The following GNAL variants were observed in gnomAD, a reference collection of about 807,000 sequenced individuals.
The protein encoded by GNAL is G protein subunit alpha L.
GNAL carries 18 observed loss-of-function variants against 55.1 expected under a neutral mutation model. That is an observed-to-expected ratio of 0.33 (90% confidence interval 0.23 to 0.48). GNAL has a LOEUF of 0.48. Ranked by LOEUF, GNAL falls within the 20% of genes least tolerant of loss-of-function variation. GNAL has a pLI of 0.99. For synonymous variants in GNAL, 253 were observed against 237.0 expected (o/e 1.07, Z -0.62); for missense variants, 412 against 614.1 (o/e 0.67, Z 3.48).
intron 4 of GNAL, among the ~76,000 whole-genome samples, chr18:11,812,396 G>A (rs1432119990): frequency 1.3e-5 from 2 of 152,232 alleles, no homozygotes; most frequent in Admixed American, 6.5e-5. Context: ...AGGGAATTCC[G>A]TTTCTGCCCC....
rs1437655287 is a variant in GNAL, at chr18:11,881,817, TTTG to T, written c.*690_*692del. The T allele has an allele frequency of 6.6e-6, 1 of 152,498 alleles. No homozygotes were observed. The highest frequency in any genetic ancestry group is 2.4e-5 in the African/African-American group (1 of 41,456). The allele number at this position is 152,498 out of a possible 1,614,324, so 9.4% of individuals were successfully genotyped here. ...GCATAGTCTTCTTTCTTAGATTCTC[TTTG>T]TTGTTGTCCCTATTGCTGGTTTATT... On this transcript the variant is annotated 3_prime_UTR_variant, in exon 12 of 12. Coordinates refer to ENST00000334049, the MANE Select transcript of GNAL (RefSeq NM_182978.4). This position sits in a 1 kb window ranked among gnomAD's most constrained non-coding sequence, Gnocchi z 4.8.
At chr18:11,857,084 G>A (rs1392353070) in intron 5 of GNAL, 1 of 151,536 alleles carries the variant, frequency 6.6e-6, no homozygotes, top group Non-Finnish European at 1.5e-5. Context: ...CAGATAGGTA[G>A]ATAAAACATA....
At chr18:11,713,124 C>T (rs767346539) in intron 1 of GNAL, among the ~76,000 whole-genome samples, 3 of 152,224 alleles carry the variant, frequency 2.0e-5, no homozygotes, top group Non-Finnish European at 4.4e-5. Flanking sequence ...GTGTACAACA[C>T]GAAGTGACTT....
chr18:11,751,592 C>A lies in GNAL; in HGVS notation c.377-1261C>A. On this transcript the variant is annotated intron_variant, in intron 1 of 11. Coordinates refer to ENST00000334049, the MANE Select transcript of GNAL (RefSeq NM_182978.4). The surrounding 1 kb of genome is among the most constrained non-coding windows in gnomAD (Gnocchi z 4.5). ...CGCCCGCCAGGAGCAGGGACGCGTC[C>A]GAGCCAACACGGGGCGCGCGCCCAG... The A allele has an allele frequency of 2.0e-6, 2 of 985,432 alleles. No homozygotes were observed. Among genetic ancestry groups the A allele is most frequent in the Non-Finnish European group, 2.4e-6 (2 of 829,934 alleles). The allele number at this position is 985,432 out of a possible 1,614,324, so 61.0% of individuals were successfully genotyped here. A position where few individuals can be genotyped will look rare whatever the true frequency, so the allele number is the denominator to read the frequency against.
intron 4 of GNAL, among the ~76,000 whole-genome samples, chr18:11,774,246 C>T (rs537896394): frequency 6.6e-6 from 1 of 152,284 alleles, no homozygotes; most frequent in South Asian, 2.1e-4. Flanking sequence ...AAGCCTGGCT[C>T]TGAATTAAGA....
chr18:11,716,603 A>T (rs11872343), intron 1 of GNAL, among the ~76,000 whole-genome samples: 160 of 152,154 alleles, frequency 1.1e-3, no homozygotes, highest in African/African-American at 3.7e-3. Flanking sequence ...TGATTGGTGC[A>T]TTTACAATCC....
intron 1 of GNAL, among the ~76,000 whole-genome samples, chr18:11,690,501 C>T (rs2031211417): frequency 6.6e-6 from 1 of 151,622 alleles, no homozygotes; most frequent in South Asian, 2.1e-4. Flanking sequence ...GGTACATGTG[C>T]ACAATGTGCA....
At chr18:11,733,678 T>A (rs2032393656) in intron 1 of GNAL, among the ~76,000 whole-genome samples, 1 of 152,130 alleles carries the variant, frequency 6.6e-6, no homozygotes, top group South Asian at 2.1e-4. Flanking sequence ...AAATGCCACA[T>A]GTTCTCATAA....
chr18:11,691,008 A>G (rs943071556), intron 1 of GNAL, among the ~76,000 whole-genome samples: 4 of 148,338 alleles, frequency 2.7e-5, no homozygotes, highest in African/African-American at 1.0e-4. Context: ...TGGTATTTCT[A>G]GTTCTAGATC....
intron 4 of GNAL, among the ~76,000 whole-genome samples, chr18:11,792,328 G>A (rs190964646): frequency 1.3e-5 from 2 of 152,252 alleles, no homozygotes; most frequent in South Asian, 2.1e-4. Flanking sequence ...TGGGACTACA[G>A]GCGCACACCA....
intron 5 of GNAL, among the ~76,000 whole-genome samples, chr18:11,847,953 G>A (rs192315588): frequency 6.6e-6 from 1 of 152,314 alleles, no homozygotes; most frequent in African/African-American, 2.4e-5. Context: ...TGCAGATTCA[G>A]ATACCACGGT....
chr18:11,828,558 C>T (rs1205687737), intron 5 of GNAL, among the ~76,000 whole-genome samples: 3 of 151,904 alleles, frequency 2.0e-5, no homozygotes, highest in Admixed American at 1.3e-4. Flanking sequence ...GTGGAATATG[C>T]GTTCTATCAT....
chr18:11,871,397 C>T (rs2855638), intron 9 of GNAL, among the ~76,000 whole-genome samples: 41,108 of 151,734 alleles, frequency 0.27, 6,434 homozygotes, highest in African/African-American at 0.44. Context: ...ACTGCAGGCA[C>T]GTGCCACCAC....
intron 4 of GNAL, among the ~76,000 whole-genome samples, chr18:11,770,946 G>A (rs2033613447): frequency 6.6e-6 from 1 of 152,044 alleles, no homozygotes; most frequent in South Asian, 2.1e-4. Context: ...CAGGTGCGGT[G>A]GCTCAAGCCT....
chr18:11,869,359 G>C (rs1178530438), intron 9 of GNAL, among the ~76,000 whole-genome samples: 1 of 151,978 alleles, frequency 6.6e-6, no homozygotes, highest in Non-Finnish European at 1.5e-5. Flanking sequence ...TAGCCAGGAT[G>C]GTCTTGATCT....
intron 4 of GNAL, among the ~76,000 whole-genome samples, chr18:11,782,812 C>T (rs1218679154): frequency 2.0e-5 from 3 of 152,110 alleles, no homozygotes; most frequent in Non-Finnish European, 4.4e-5. Context: ...TATCTTTCTT[C>T]GTGCTGTGTT....
intron 1 of GNAL, among the ~76,000 whole-genome samples, chr18:11,693,944 C>T (rs376615181): frequency 1.3e-5 from 2 of 150,810 alleles, no homozygotes; most frequent in African/African-American, 2.5e-5. Flanking sequence ...CCTGGACCTC[C>T]CCAGCTCAAG....
Position 11,769,024 on chromosome 18 carries a change from AATATATT to A in GNAL, c.624+15086_624+15092del, listed in dbSNP as rs1469129797. On this transcript the variant is annotated intron_variant, in intron 4 of 11. Coordinates refer to ENST00000334049, the MANE Select transcript of GNAL (RefSeq NM_182978.4). ...ATAGAATATATATATTCTATATTAT[AATATATT>A]ATATATAATATATAATATATATAAT... Among the ~76,000 whole-genome samples the A allele has an allele frequency of 6.4e-3, 635 of 99,522 alleles. 177 individuals carry two copies. Among genetic ancestry groups the A allele is most frequent in the African/African-American group, 0.029 (570 of 19,388 alleles). The allele number at this position is 99,522 out of a possible 152,430, so 65.3% of individuals were successfully genotyped here. A position where few individuals can be genotyped will look rare whatever the true frequency, so the allele number is the denominator to read the frequency against.
intron 4 of GNAL, among the ~76,000 whole-genome samples, chr18:11,757,471 A>G (rs983973095): frequency 3.9e-5 from 6 of 152,146 alleles, no homozygotes; most frequent in South Asian, 2.1e-4. Context: ...CTAATAATAC[A>G]GTGGAAAGGT....
Sources: allele counts gnomAD v4.1 joint callset (sites outside exome capture counted in the v4.1 genomes callset), GRCh38; gene constraint gnomAD v4.1.1; non-coding constraint Gnocchi (gnomAD v3.1); transcripts MANE v1.5; gene names NCBI Gene and HGNC (gene_info 2026-07-23, HGNC 2026-07-21).